The following KLF17 variants were observed in gnomAD, a reference collection of about 807,000 sequenced individuals.
The protein encoded by KLF17 is KLF transcription factor 17.
KLF17 carries 31 observed loss-of-function variants against 34.2 expected under a neutral mutation model. The ratio of observed to expected loss-of-function variants is 0.91; its 90% CI spans 0.68 to 1.22. The LOEUF is 1.22. Ranked by LOEUF, KLF17 falls within the 50% of genes most tolerant of loss-of-function variation. The pLI is 0.00. For missense variants in KLF17, 478 were observed against 505.2 expected, an observed-to-expected ratio of 0.95 and a Z score of 0.52; for synonymous variants, 179 against 186.7, an observed-to-expected ratio of 0.96 and a Z score of 0.34.
intron 1 of KLF17, chr1:44,122,491 T>C: frequency 9.4e-7 from 1 of 1,059,126 alleles, no homozygotes; most frequent in Non-Finnish European, 1.5e-6. Context: ...CTCAATTTCA[T>C]CAAAAATCTC....
the KLF17 span, among the ~76,000 whole-genome samples, chr1:44,063,365 TTA>T: frequency 6.6e-6 from 1 of 152,232 alleles, no homozygotes; most frequent in South Asian, 2.1e-4. Context: ...TGTGTCTAAA[TTA>T]TACCCCAATA....
the KLF17 span, among the ~76,000 whole-genome samples, chr1:44,087,806 A>C: frequency 7.0e-6 from 1 of 143,774 alleles, no homozygotes; most frequent in Non-Finnish European, 1.5e-5. Flanking sequence ...ACACACGCAT[A>C]TATAAACACA....
the KLF17 span, among the ~76,000 whole-genome samples, chr1:44,067,816 AG>A: frequency 6.9e-6 from 1 of 144,282 alleles, no homozygotes; most frequent in African/African-American, 2.5e-5. Context: ...TCATGGGGGA[AG>A]GGTGGGGATA....
the KLF17 span, among the ~76,000 whole-genome samples, chr1:44,081,026 T>C: frequency 6.6e-6 from 1 of 152,026 alleles, no homozygotes; most frequent in Non-Finnish European, 1.5e-5. Flanking sequence ...CAAATTTACA[T>C]AATTTAATCT....
the KLF17 span, among the ~76,000 whole-genome samples, chr1:44,068,987 C>T: frequency 6.6e-6 from 1 of 152,122 alleles, no homozygotes; most frequent in South Asian, 2.1e-4. Context: ...TGCATTTATT[C>T]CCCTCCCCCA....
chr1:44,099,829 GAAAGAAAGAAAGAAA>G, the KLF17 span, among the ~76,000 whole-genome samples: 1 of 6,828 alleles, frequency 1.5e-4, no homozygotes, highest in Non-Finnish European at 2.4e-4. Flanking sequence ...AGAAAAAGAA[GAAAGAAAGAAAGAAA>G]GAAAGAAAGA....
At chr1:44,123,349 T>C (rs1259638346) in intron 1 of KLF17, among the ~76,000 whole-genome samples, 7 of 152,196 alleles carry the variant, frequency 4.6e-5, no homozygotes, top group Non-Finnish European at 7.3e-5. Context: ...ACAGTCTTGA[T>C]AGGTTTTGTG....
intron 1 of KLF17, among the ~76,000 whole-genome samples, chr1:44,119,654 G>C (rs1217555991): frequency 1.3e-5 from 2 of 152,096 alleles, no homozygotes; most frequent in Admixed American, 1.3e-4. Context: ...ACTCTGTTCT[G>C]GGACTAAAGA....
At chr1:44,101,910 C>T in the KLF17 span, among the ~76,000 whole-genome samples, 3 of 152,044 alleles carry the variant, frequency 2.0e-5, no homozygotes, top group Non-Finnish European at 2.9e-5. Flanking sequence ...AAAAATTAGC[C>T]AGGCATGGTG....
chr1:44,111,552 C>T, the KLF17 span, among the ~76,000 whole-genome samples: 1 of 140,940 alleles, frequency 7.1e-6, no homozygotes, highest in Non-Finnish European at 1.5e-5. Context: ...AAAAGTAGTA[C>T]AGTTACTGTA....
At chr1:44,131,413 C>A (rs1040912508) in intron 3 of KLF17, among the ~76,000 whole-genome samples, 2 of 152,172 alleles carry the variant, frequency 1.3e-5, no homozygotes, top group Non-Finnish European at 2.9e-5. Context: ...AATCCAGTTT[C>A]CAGAGCCAGA....
At chr1:44,099,966 G>A in the KLF17 span, among the ~76,000 whole-genome samples, 4 of 150,712 alleles carry the variant, frequency 2.7e-5, 1 homozygote, top group African/African-American at 4.9e-5. Context: ...GCTGGGCACC[G>A]TTGCTCACGC....
chr1:44,082,306 T>C, the KLF17 span, among the ~76,000 whole-genome samples: 1 of 152,226 alleles, frequency 6.6e-6, no homozygotes, highest in African/African-American at 2.4e-5. Flanking sequence ...ATCATAAGGA[T>C]TAATACAACA....
chr1:44,126,216 T>C (rs1005442968), intron 1 of KLF17, among the ~76,000 whole-genome samples: 1 of 151,998 alleles, frequency 6.6e-6, no homozygotes, highest in Non-Finnish European at 1.5e-5. Flanking sequence ...AGTGGAGACA[T>C]GGGTCTCACC....
the KLF17 span, among the ~76,000 whole-genome samples, chr1:44,046,937 C>T: frequency 2.0e-5 from 3 of 148,022 alleles, no homozygotes; most frequent in Non-Finnish European, 3.0e-5. Context: ...GCAGGAGAAT[C>T]GCTTGAACCA....
At chr1:44,053,025 A>G in the KLF17 span, among the ~76,000 whole-genome samples, 1 of 151,058 alleles carries the variant, frequency 6.6e-6, no homozygotes, top group Non-Finnish European at 1.5e-5. Context: ...TCAGCCTCCC[A>G]AGTAGCTGGG....
chr1:44,055,511 A>G, the KLF17 span, among the ~76,000 whole-genome samples: 1 of 152,138 alleles, frequency 6.6e-6, no homozygotes, highest in Non-Finnish European at 1.5e-5. Context: ...GTTACAGGCC[A>G]CAGTTCAATT....
chr1:44,086,034 G>T, the KLF17 span, among the ~76,000 whole-genome samples: 1 of 152,180 alleles, frequency 6.6e-6, no homozygotes. Context: ...TGGTCTTCCA[G>T]TAAGACGGGA....
At chr1:44,066,612 T>A in the KLF17 span, among the ~76,000 whole-genome samples, 1 of 152,124 alleles carries the variant, frequency 6.6e-6, no homozygotes, top group Non-Finnish European at 1.5e-5. Flanking sequence ...GGAAAAACAA[T>A]TTGTCATTAT....
Sources: gnomAD v4.1 joint callset for allele counts (sites outside exome capture counted in the v4.1 genomes callset) on GRCh38, gnomAD v4.1.1 for gene constraint, MANE v1.5 for transcripts, NCBI Gene and HGNC (gene_info 2026-07-23, HGNC 2026-07-21) for gene names.